The following RPS6KC1 variants were observed in gnomAD, a reference collection of about 807,000 sequenced individuals.
RPS6KC1 encodes the protein inactive ribosomal protein S6 kinase delta-1.
In RPS6KC1, 54 loss-of-function variants were observed where a neutral mutation model predicts 103.8. The ratio of observed to expected loss-of-function variants is 0.52; its 90% CI spans 0.42 to 0.65. The LOEUF (loss-of-function observed/expected upper bound fraction) is 0.65, where lower values mean the gene tolerates loss of function less well. Among genes scored for constraint, RPS6KC1 ranks in the 30% least tolerant of loss-of-function variants. The pLI, the probability that RPS6KC1 is intolerant of heterozygous loss-of-function variation, is 0.00. For missense variants in RPS6KC1, 1,151 were observed against 1,253.8 expected, an observed-to-expected ratio of 0.92 and a Z score of 1.24; for synonymous variants, 439 against 438.7, an observed-to-expected ratio of 1.00 and a Z score of -0.01.
the RPS6KC1 span, among the ~76,000 whole-genome samples, chr1:213,791,270 G>T: frequency 6.6e-6 from 1 of 152,130 alleles, no homozygotes; most frequent in Admixed American, 6.6e-5. Flanking sequence ...AACTCTTATA[G>T]AATTTTTTTA....
At chr1:213,323,537 A>G in the RPS6KC1 span, among the ~76,000 whole-genome samples, 1 of 152,116 alleles carries the variant, frequency 6.6e-6, no homozygotes, top group African/African-American at 2.4e-5. Flanking sequence ...CTGATTTAGC[A>G]TCTGTTCCTC....
chr1:213,826,611 G>A, the RPS6KC1 span, among the ~76,000 whole-genome samples: 1 of 152,134 alleles, frequency 6.6e-6, no homozygotes, highest in African/African-American at 2.4e-5. Context: ...GCAAAAGCAG[G>A]GCATTAAACC....
chr1:213,522,721 A>C, the RPS6KC1 span, among the ~76,000 whole-genome samples: 1 of 152,038 alleles, frequency 6.6e-6, no homozygotes, highest in Non-Finnish European at 1.5e-5. Flanking sequence ...TAGCTTCCAA[A>C]TTTTCTTCTA....
At chr1:213,525,082 T>C in the RPS6KC1 span, among the ~76,000 whole-genome samples, 1 of 152,210 alleles carries the variant, frequency 6.6e-6, no homozygotes, top group Non-Finnish European at 1.5e-5. Context: ...ATAAGGATGA[T>C]TTTAACCTGA....
intron 1 of RPS6KC1, among the ~76,000 whole-genome samples, chr1:213,063,246 T>C (rs1422370393): frequency 1.3e-5 from 2 of 152,258 alleles, no homozygotes; most frequent in Non-Finnish European, 2.9e-5. Context: ...CTGTAATGCC[T>C]ATAGGCATTT....
the RPS6KC1 span, among the ~76,000 whole-genome samples, chr1:213,376,770 G>A: frequency 2.0e-5 from 3 of 152,160 alleles, no homozygotes; most frequent in Non-Finnish European, 1.5e-5. Flanking sequence ...TCTAGGTAGA[G>A]TGAACCATAC....
chr1:213,723,574 A>G, the RPS6KC1 span, among the ~76,000 whole-genome samples: 3 of 152,172 alleles, frequency 2.0e-5, no homozygotes, highest in Admixed American at 6.5e-5. Flanking sequence ...TACCTTAGTT[A>G]CCTACTTAAG....
chr1:213,646,185 T>G, the RPS6KC1 span, among the ~76,000 whole-genome samples: 5 of 152,288 alleles, frequency 3.3e-5, no homozygotes, highest in Middle Eastern at 0.014. Flanking sequence ...ACACCTTGGT[T>G]AGTTTGGAGA....
intron 6 of RPS6KC1, among the ~76,000 whole-genome samples, chr1:213,164,942 G>C (rs1216933228): frequency 6.6e-6 from 1 of 152,186 alleles, no homozygotes; most frequent in Non-Finnish European, 1.5e-5. Flanking sequence ...ATTGTGGACT[G>C]TGTGTGTGTA....
the RPS6KC1 span, among the ~76,000 whole-genome samples, chr1:213,381,224 G>C: frequency 2.0e-5 from 3 of 152,178 alleles, no homozygotes; most frequent in African/African-American, 4.8e-5. Context: ...AAAATTGTGT[G>C]TGGAGGAGTG....
the RPS6KC1 span, among the ~76,000 whole-genome samples, chr1:213,804,477 T>C: frequency 6.6e-6 from 1 of 152,184 alleles, no homozygotes; most frequent in Non-Finnish European, 1.5e-5. Context: ...TCTCCCCACA[T>C]TTCTGTGTGG....
At chr1:213,371,908 C>A in the RPS6KC1 span, among the ~76,000 whole-genome samples, 1 of 152,156 alleles carries the variant, frequency 6.6e-6, no homozygotes, top group African/African-American at 2.4e-5. Context: ...ACTCCCTGCT[C>A]GCCATCATCC....
chr1:213,734,441 G>A, the RPS6KC1 span, among the ~76,000 whole-genome samples: 220 of 75,034 alleles, frequency 2.9e-3, no homozygotes, highest in East Asian at 0.035. Context: ...AAGGCCTCCC[G>A]CCAAAAAATT....
chr1:213,721,381 C>T, the RPS6KC1 span, among the ~76,000 whole-genome samples: 4 of 152,118 alleles, frequency 2.6e-5, no homozygotes, highest in East Asian at 1.9e-4. Flanking sequence ...TCCCCCATAC[C>T]GTTCTCGTGG....
At chr1:213,769,629 T>C in the RPS6KC1 span, among the ~76,000 whole-genome samples, 3 of 151,610 alleles carry the variant, frequency 2.0e-5, no homozygotes, top group African/African-American at 7.3e-5. Context: ...GGAGCTAAAT[T>C]GAGGAATTCC....
chr1:213,547,346 A>G, the RPS6KC1 span, among the ~76,000 whole-genome samples: 3 of 152,224 alleles, frequency 2.0e-5, no homozygotes, highest in African/African-American at 7.2e-5. Context: ...TTCTACCTAG[A>G]AATGCCTGCC....
the RPS6KC1 span, among the ~76,000 whole-genome samples, chr1:213,342,310 A>G: frequency 6.6e-6 from 1 of 152,200 alleles, no homozygotes. Context: ...GAATTCACAC[A>G]TCAGTTTTTA....
At chr1:213,121,125 G>C (rs1359854363) in intron 5 of RPS6KC1, among the ~76,000 whole-genome samples, 1 of 152,034 alleles carries the variant, frequency 6.6e-6, no homozygotes, top group East Asian at 1.9e-4. Flanking sequence ...GTAGAAATGG[G>C]GTCTCACTGT....
the RPS6KC1 span, among the ~76,000 whole-genome samples, chr1:213,477,533 G>T: frequency 1.2e-4 from 19 of 152,104 alleles, no homozygotes; most frequent in African/African-American, 3.9e-4. Flanking sequence ...TTTCATCACT[G>T]TAAATATCAA....
Sources: gnomAD v4.1 joint callset for allele counts (sites outside exome capture counted in the v4.1 genomes callset) on GRCh38, gnomAD v4.1.1 for gene constraint, MANE v1.5 for transcripts, NCBI Gene and HGNC (gene_info 2026-07-23, HGNC 2026-07-21) for gene names.